MCM10: variants seen among roughly 807,000 people sequenced by gnomAD.
MCM10 encodes the protein protein MCM10 homolog.
Under a neutral mutation model 109.9 loss-of-function variants are expected in MCM10, and 91 were observed. The observed-to-expected ratio is 0.83, with a 90% CI of 0.70 to 0.99. MCM10 has a LOEUF of 0.99. Among genes scored for constraint, MCM10 ranks in the 50% least tolerant of loss-of-function variants. MCM10 has a pLI of 0.00. For synonymous variants in MCM10, 380 were observed against 387.2 expected (o/e 0.98, Z 0.22); for missense variants, 1,077 against 1,061.2 (o/e 1.01, Z -0.21).
intron 6 of MCM10, among the ~76,000 whole-genome samples, chr10:13,177,512 T>A (rs1834157120): frequency 3.7e-5 from 3 of 80,070 alleles, no homozygotes; most frequent in Admixed American, 2.2e-4. Flanking sequence ...TTGGAGCTTT[T>A]TTTTTTTTTT....
intron 18 of MCM10, 108 bp downstream of exon 18, chr10:13,204,472 C>T: frequency 1.5e-6 from 2 of 1,372,638 alleles, no homozygotes; most frequent in Non-Finnish European, 2.0e-6. Flanking sequence ...TCCATGCCTT[C>T]CTATAGCTCC....
chr10:13,173,240 A>C (rs748321814), intron 5 of MCM10, among the ~76,000 whole-genome samples: 1 of 152,138 alleles, frequency 6.6e-6, no homozygotes, highest in Admixed American at 6.6e-5. Context: ...CTATTTACTA[A>C]GTACTTAACA....
chr10:13,172,748 C>T lies in MCM10; in HGVS notation c.575C>T (p.Pro192Leu). ...AGAACCAAGAGGGTGGCTCGAACAC[C>T]AAAGGCTTCACCTCCAGGTGTAGTA... is the stretch of plus-strand genomic sequence containing the variant. The part of the protein sequence containing the change: ...LPRTKRVART[P>L]KASPPDPKSS... Residue 192 changes from proline to leucine, a missense_variant, in exon 5 of 20, where the codon CCA becomes CTA. Pro to Leu is a moderately conservative substitution (Grantham distance 98). Transcript: ENST00000378714. The surrounding 1 kb of genome is among the most constrained non-coding windows in gnomAD (Gnocchi z 5.2). 1.2e-6 allele frequency: 2 copies of T among 1,614,060 alleles called. No homozygotes were observed. The highest frequency in any genetic ancestry group is 1.7e-6 in the Non-Finnish European group (2 of 1,180,002).
At chr10:13,165,547 T>C (rs746491804) in intron 2 of MCM10, among the ~76,000 whole-genome samples, 1 of 152,174 alleles carries the variant, frequency 6.6e-6, no homozygotes, top group Non-Finnish European at 1.5e-5. Flanking sequence ...TCATAGTATC[T>C]ATCTGGAAAC....
intron 3 of MCM10, among the ~76,000 whole-genome samples, chr10:13,171,641 T>C (rs2131558728): frequency 6.6e-6 from 1 of 152,356 alleles, no homozygotes; most frequent in South Asian, 2.1e-4. Context: ...CACATGTTCT[T>C]TTCTCATTCC....
At position 13,172,629 on chromosome 10, in the gene MCM10, G is replaced by T; in HGVS notation, c.456G>T (p.Glu152Asp). The change falls in exon 5 of 20, where the codon GAG becomes GAT. Residue 152 changes from glutamate to aspartate, a missense_variant and splice_region_variant. By Grantham distance (45) the Glu-to-Asp change is conservative. Transcript: ENST00000378714. This position sits in a 1 kb window ranked among gnomAD's most constrained non-coding sequence, Gnocchi z 5.2. ...CTTATTTTACTTTTGATTAAGTAGA[G>T]AAGTCTCCCCGGCCACCTCTTAAGG... ...ASPARLQKSPEKSPRPPLKER... is the reference protein window; with the variant it reads ...ASPARLQKSPDKSPRPPLKER... 1 of 1,614,042 alleles carries T rather than the reference G, an allele frequency of 6.2e-7. No homozygotes were observed. Among genetic ancestry groups the T allele is most frequent in the Non-Finnish European group, 8.5e-7 (1 of 1,180,002 alleles).
In MCM10 at chr10:13,209,246, TAGG is replaced by T. The variant is rs1834626371; in HGVS notation, c.2567_2569del (p.Gly856del). ...TTCTAGGAAAAGACTGGTCCAAAGA[TAGG>T]AGGAGAAACTCTGTTACCAAGAGGA... On this transcript the variant is annotated inframe_deletion, in exon 20 of 20. Transcript: ENST00000378714. The T allele has an allele frequency of 1.2e-6, 2 of 1,613,968 alleles. No homozygotes were observed. The highest frequency in any genetic ancestry group is 2.2e-5 in the East Asian group (1 of 44,884).
intron 14 of MCM10, among the ~76,000 whole-genome samples, chr10:13,196,288 AG>A (rs1248083889): frequency 6.6e-6 from 1 of 152,116 alleles, no homozygotes; most frequent in African/African-American, 2.4e-5. Flanking sequence ...AAGTAGGGGT[AG>A]GGCACCCAGA....
At chr10:13,192,890 TC>T (rs1397182964) in intron 13 of MCM10, among the ~76,000 whole-genome samples, 1 of 151,220 alleles carries the variant, frequency 6.6e-6, no homozygotes, top group African/African-American at 2.4e-5. Flanking sequence ...TCTCTCTCTC[TC>T]TTTTTTTTTT....
Position 13,170,950 on chromosome 10 carries a change from C to A in MCM10, c.36C>A (p.Thr12=). Residue 12 remains threonine (T), a synonymous_variant, in exon 3 of 20, where the codon ACC becomes ACA. Coordinates refer to ENST00000378714, the MANE Select transcript of MCM10 (RefSeq NM_018518.5). ...AGGAAGACAATCTGTCTCTGCTGAC[C>A]GCACTGCTGGAAGAAAATGAGTCAG... ...DEEEDNLSLL[T]ALLEENESAL... 6.2e-7 allele frequency: 1 copy of A among 1,614,028 alleles called. No homozygotes were observed. Among genetic ancestry groups the A allele is most frequent in the Non-Finnish European group, 8.5e-7 (1 of 1,179,962 alleles).
chr10:13,167,587 G>GT (rs111529440), intron 2 of MCM10, among the ~76,000 whole-genome samples: 13,372 of 127,698 alleles, frequency 0.1, 1,193 homozygotes, highest in African/African-American at 0.25. Flanking sequence ...GGGAGGACCG[G>GT]GGGGGGCATG....
At chr10:13,199,977 T>TG (rs1479516306) in intron 16 of MCM10, among the ~76,000 whole-genome samples, 4 of 151,928 alleles carry the variant, frequency 2.6e-5, no homozygotes, top group African/African-American at 7.3e-5. Flanking sequence ...GTACTTTTGG[T>TG]GGGGGTTGGG....
intron 10 of MCM10, among the ~76,000 whole-genome samples, chr10:13,190,312 A>T (rs1223676364): frequency 6.6e-6 from 1 of 152,250 alleles, no homozygotes; most frequent in Non-Finnish European, 1.5e-5. Flanking sequence ...CAATACATGT[A>T]TATTAGTCTT....
chr10:13,166,283 A>G (rs1450189926), intron 2 of MCM10, among the ~76,000 whole-genome samples: 1 of 152,116 alleles, frequency 6.6e-6, no homozygotes, highest in Non-Finnish European at 1.5e-5. Flanking sequence ...CAGAGAAGAT[A>G]CGTTCAGAGT....
chr10:13,201,077 A>G (rs1009559906), intron 16 of MCM10, among the ~76,000 whole-genome samples: 11 of 152,210 alleles, frequency 7.2e-5, no homozygotes, highest in Non-Finnish European at 5.9e-5. Flanking sequence ...CCCAGGAGGT[A>G]GAGGTTGCAG....
intron 8 of MCM10, 115 bp downstream of exon 8, chr10:13,183,215 G>A (rs1834232463): frequency 8.3e-6 from 10 of 1,210,836 alleles, no homozygotes; most frequent in Non-Finnish European, 1.0e-5. Flanking sequence ...TAACACTTTG[G>A]GGAGGCCAAA....
intron 13 of MCM10, among the ~76,000 whole-genome samples, chr10:13,194,420 G>A (rs188191777): frequency 9.2e-4 from 140 of 152,120 alleles, no homozygotes; most frequent in African/African-American, 2.3e-3. Context: ...GATAGCTCAC[G>A]CCTATAATCC....
At chr10:13,183,213 TGGGGA>T in intron 8 of MCM10, 113 bp downstream of exon 8, 1 of 1,218,486 alleles carries the variant, frequency 8.2e-7, no homozygotes, top group Non-Finnish European at 1.1e-6. Flanking sequence ...CCTAACACTT[TGGGGA>T]GGCCAAAGCG....
rs1412130952 is a variant in MCM10 at position 13,173,257 on chromosome 10, AT to A, written c.592+503del. Among the ~76,000 whole-genome samples the A allele has an allele frequency of 1.0e-4, 15 of 148,444 alleles. No homozygotes were observed. The South Asian group carries it at 1.9e-3, about 19-fold the overall frequency. On this transcript the variant is annotated intron_variant, in intron 5 of 19. Coordinates refer to ENST00000378714, the MANE Select transcript of MCM10 (RefSeq NM_018518.5). ...ATTTACTAAGTACTTAACAGGTTGA[AT>A]TTTTTTTTTTAGCTCTGTAGTCTCA...
Sources: allele counts gnomAD v4.1 joint callset (sites outside exome capture counted in the v4.1 genomes callset), GRCh38; gene constraint gnomAD v4.1.1; non-coding constraint Gnocchi (gnomAD v3.1); transcripts MANE v1.5; gene names NCBI Gene and HGNC (gene_info 2026-07-23, HGNC 2026-07-21).